Variants in DBN1 observed in about 807,000 individuals in gnomAD.
The protein encoded by DBN1 is drebrin.
A neutral mutation model predicts 83.5 loss-of-function variants in DBN1; 21 were observed. That is an observed-to-expected ratio of 0.25 (90% CI 0.18 to 0.36). DBN1 has a LOEUF of 0.36. DBN1 is among the 10% of genes least tolerant of loss of function. DBN1 has a pLI of 1.00. For synonymous variants in DBN1, 381 were observed against 384.9 expected (o/e 0.99, Z 0.12); for missense variants, 874 against 935.7 (o/e 0.93, Z 0.86).
chr5:177,467,025 T>C lies in DBN1; in HGVS notation c.593A>G (p.Lys198Arg), dbSNP rs1757493620. 6.2e-7 allele frequency: 1 copy of C among 1,613,712 alleles called. No homozygotes were observed. The highest frequency in any genetic ancestry group is 1.3e-5 in the African/African-American group (1 of 74,934). Residue 198 changes from lysine (K) to arginine (R), a missense_variant, in exon 7 of 15, where the codon AAG becomes AGG. Coordinates refer to ENST00000393565, the MANE Select transcript of DBN1 (RefSeq NM_001363541.2). This position sits in a 1 kb window ranked among gnomAD's most constrained non-coding sequence, Gnocchi z 9.1. Reference protein sequence around the residue: ...EELRKEEERKKALDERLRFEQ... With the variant: ...EELRKEEERKRALDERLRFEQ... ...GAACCTGAGCCTCTCATCCAGGGCC[T>C]TCTTCCGCTCCTCCTCCTTCCGCAG...
rs1254585134 is a variant in DBN1, at chr5:177,471,967, C to CG, written c.86+1468dup. 189 of 750,176 alleles carry CG rather than the reference C, an allele frequency of 2.5e-4. 2 individuals carry two copies. In the East Asian group the frequency reaches 5.9e-3, roughly 24 times the overall value. The allele number at this position is 750,176 out of a possible 1,614,324, so 46.5% of individuals were successfully genotyped here. On this transcript the variant is annotated intron_variant, in intron 1 of 14. Transcript: ENST00000393565. ...GGGGTGAGCTGTGCTTCTCCCCAGG[C>CG]GGGGCCTTATCCCAAAGCCAGCTCC...
chr5:177,470,943 C>G (rs1305896201), intron 1 of DBN1, among the ~76,000 whole-genome samples: 1 of 152,184 alleles, frequency 6.6e-6, no homozygotes. Flanking sequence ...AGACACTGCC[C>G]CCAGCTGTAA....
At chr5:177,459,289 G>A (rs1382765084) in intron 11 of DBN1, 21 bp from the exon 12 acceptor site, 1 of 1,599,860 alleles carries the variant, frequency 6.3e-7, no homozygotes, top group Non-Finnish European at 8.5e-7. Context: ...AACCCCAGGT[G>A]GGTCAGTGAG....
At chr5:177,469,136 G>A (rs528978860) in intron 1 of DBN1, among the ~76,000 whole-genome samples, 1 of 152,242 alleles carries the variant, frequency 6.6e-6, no homozygotes, top group South Asian at 2.1e-4. Flanking sequence ...CTGGCTGGTC[G>A]AGCTCAGTGC....
chr5:177,467,359 G>A lies in DBN1; in HGVS notation c.478-27C>T, dbSNP rs750452273. 1.2e-6 allele frequency: 2 copies of A among 1,614,002 alleles called. No homozygotes were observed. The highest frequency in any genetic ancestry group is 1.7e-6 in the Non-Finnish European group (2 of 1,179,880). On this transcript the variant is annotated intron_variant, in intron 5 of 14. Coordinates refer to ENST00000393565, the MANE Select transcript of DBN1 (RefSeq NM_001363541.2). This position sits in a 1 kb window ranked among gnomAD's most constrained non-coding sequence, Gnocchi z 9.1. ...TGCAGTGTCGAAGGACCCAGCATAA[G>A]CAGGCTGAATGCCCCAGGAACCCCC...
chr5:177,458,251 G>C lies in DBN1; in HGVS notation c.1721C>G (p.Ala574Gly), dbSNP rs1279185441. The change falls in exon 13 of 15, where the codon GCC (alanine) becomes GGC (glycine). Residue 574 changes from alanine to glycine, a missense_variant. By Grantham distance (60) the Ala-to-Gly change is moderately conservative. Coordinates refer to ENST00000393565, the MANE Select transcript of DBN1 (RefSeq NM_001363541.2). ...EPLLPAGEGC[A>G]TLLNFDELPE... ...CAGCTCATCAAAGTTGAGAAGGGTG[G>C]CACAGCCTTCGCCTGCTGGCAGCAG... is the stretch of plus-strand genomic sequence containing the variant. 6.2e-7 allele frequency: 1 copy of C among 1,613,684 alleles called. No homozygotes were observed. The highest frequency in any genetic ancestry group is 8.5e-7 in the Non-Finnish European group (1 of 1,179,966).
At chr5:177,461,771 C>T (rs1488823560) in intron 8 of DBN1, among the ~76,000 whole-genome samples, 1 of 152,184 alleles carries the variant, frequency 6.6e-6, no homozygotes, top group African/African-American at 2.4e-5. Context: ...AAGGACCTTT[C>T]CAAAATGCGG....
rs1756686334 is a variant in DBN1, at chr5:177,458,094, T to G, written c.1878A>C (p.Leu626=). The change falls in exon 13 of 15, where the codon CTA becomes CTC. Residue 626 remains leucine, a synonymous_variant. Transcript: ENST00000393565. Reference sequence around the variant, plus strand: ...CCTTCTGGGTGGTCTCGCCATTGGTTAGCAGGTGGGGCTCCGGCTCCTGCT... The same window carrying G: ...CCTTCTGGGTGGTCTCGCCATTGGTGAGCAGGTGGGGCTCCGGCTCCTGCT... ...EQEQEPEPHL[L]TNGETTQKEG... 5 of 1,613,698 alleles carry G rather than the reference T, an allele frequency of 3.1e-6. No homozygotes were observed. The highest frequency in any genetic ancestry group is 1.3e-5 in the African/African-American group (1 of 74,904).
At chr5:177,460,827 TG>T (rs1756978004) in intron 8 of DBN1, 124 bp from the exon 9 acceptor site, 4 of 924,738 alleles carry the variant, frequency 4.3e-6, no homozygotes, top group Admixed American at 4.6e-5. Flanking sequence ...CCACCCAGGC[TG>T]GGGAGCAGTG....
rs1756486295 is a variant in DBN1, at chr5:177,456,630, T to C, written c.*803A>G. The C allele has an allele frequency of 7.1e-6, 1 of 140,428 alleles. No homozygotes were observed. Among genetic ancestry groups the C allele is most frequent in the Non-Finnish European group, 1.5e-5 (1 of 67,396 alleles). 8.7% of individuals were successfully genotyped at this position (140,428 alleles called of 1,614,324 possible). A position where few individuals can be genotyped will look rare whatever the true frequency, so the allele number is the denominator to read the frequency against. On this transcript the variant is annotated 3_prime_UTR_variant, in exon 15 of 15. Coordinates refer to ENST00000393565, the MANE Select transcript of DBN1 (RefSeq NM_001363541.2). ...GCCCGAAGGGATCTGGATTTCTTTA[T>C]TAACAGACATGAGCACGACCCGTTA...
Position 177,459,207 on chromosome 5 carries a change from A to C in DBN1, c.1155T>G (p.Ser385=). 1 of 1,611,328 alleles carries C rather than the reference A, an allele frequency of 6.2e-7. No homozygotes were observed. Among genetic ancestry groups the C allele is most frequent in the South Asian group, 1.1e-5 (1 of 90,942 alleles). The stretch of plus-strand genomic sequence containing the variant: ...CAGGGGTGGAGGCGGTGCTGGAGTC[A>C]GACGGGCTCCGCGTGGGGATGGGAG... ...APTPIPTRSP[S]DSSTASTPVA... The change falls in exon 12 of 15, where the codon TCT becomes TCG. Residue 385 remains serine (S), a synonymous_variant. Transcript: ENST00000393565.
At position 177,469,582 on chromosome 5, in the gene DBN1, T is replaced by G. The variant is rs544147336; in HGVS notation, c.87-683A>C. On this transcript the variant is annotated intron_variant, in intron 1 of 14. Coordinates refer to ENST00000393565, the MANE Select transcript of DBN1 (RefSeq NM_001363541.2). Reference sequence around the variant, plus strand: ...GCTCCAGGCCTTCCAGCCCCTAGGCTGCCTCAGTCCTGGCTGAGGCTTCCT... The same window carrying G: ...GCTCCAGGCCTTCCAGCCCCTAGGCGGCCTCAGTCCTGGCTGAGGCTTCCT... Among the ~76,000 whole-genome samples the G allele has an allele frequency of 3.3e-5, 5 of 152,346 alleles. No homozygotes were observed. In the East Asian group the frequency reaches 7.7e-4, roughly 23 times the overall value.
chr5:177,459,482 G>A lies in DBN1; in HGVS notation c.1093+121C>T. 4.5e-6 allele frequency: 6 copies of A among 1,328,574 alleles called. No homozygotes were observed. In the East Asian group the frequency reaches 8.3e-5, roughly 18 times the overall value. The allele number at this position is 1,328,574 out of a possible 1,614,324, so 82.3% of individuals were successfully genotyped here. ...TAAGGCCAGGGGCAAGAGGCAGGCA[G>A]TGCCTGCCCTGGGGGCAAACACCAG... On this transcript the variant is annotated intron_variant, in intron 11 of 14. Coordinates refer to ENST00000393565, the MANE Select transcript of DBN1 (RefSeq NM_001363541.2).
intron 8 of DBN1, 149 bp from the exon 9 acceptor site, chr5:177,460,852 T>TAAATA: frequency 1.3e-6 from 1 of 759,522 alleles, no homozygotes; most frequent in South Asian, 1.8e-5. Flanking sequence ...CAATCACGGC[T>TAAATA]CACTGCAGCC....
At chr5:177,468,306 A>G (rs1214863978) in intron 2 of DBN1, 86 bp from the exon 3 acceptor site, 4 of 1,139,074 alleles carry the variant, frequency 3.5e-6, no homozygotes, top group Non-Finnish European at 5.3e-6. Context: ...AGACTCCTCC[A>G]GGCCTCCACA....
chr5:177,457,466 T>A lies in DBN1; in HGVS notation c.2055A>T (p.Pro685=), dbSNP rs1756590817. 1 of 1,614,054 alleles carries A rather than the reference T, an allele frequency of 6.2e-7. No homozygotes were observed. Among genetic ancestry groups the A allele is most frequent in the African/African-American group, 1.3e-5 (1 of 74,942 alleles). ...DITCWDADPV[P]EEEEGFEGGD is the part of the protein sequence containing the mutation. Reference sequence around the variant, plus strand: ...CACCCTCGAAGCCCTCCTCCTCTTCTGGAACTGGGTCTGCATCCCAGCATG... The same window carrying A: ...CACCCTCGAAGCCCTCCTCCTCTTCAGGAACTGGGTCTGCATCCCAGCATG... Residue 685 remains proline, a synonymous_variant, in exon 15 of 15, where the codon CCA becomes CCT. Coordinates refer to ENST00000393565, the MANE Select transcript of DBN1 (RefSeq NM_001363541.2).
At chr5:177,464,663 T>A (rs1487252012) in intron 8 of DBN1, among the ~76,000 whole-genome samples, 1 of 150,424 alleles carries the variant, frequency 6.6e-6, no homozygotes. Flanking sequence ...CTTTATCTGC[T>A]GGGTGCGGTG....
At chr5:177,465,727 C>T (rs1298246848) in intron 8 of DBN1, among the ~76,000 whole-genome samples, 6 of 151,924 alleles carry the variant, frequency 3.9e-5, no homozygotes, top group South Asian at 4.2e-4. Flanking sequence ...TGATGGTGTG[C>T]GCCTGTAATC....
chr5:177,458,536 G>A lies in DBN1; in HGVS notation c.1436C>T (p.Ala479Val), dbSNP rs565698102. Residue 479 changes from alanine to valine, a missense_variant, in exon 13 of 15, where the codon GCT (alanine) becomes GTT (valine). Ala to Val is a moderately conservative substitution (Grantham distance 64, BLOSUM62 0). Transcript: ENST00000393565. ...FMESAEQAVL[A>V]APVEPATADA... ...AGCTGTGGCAGGCTCCACGGGAGCA[G>A]CCAGGACAGCCTGCTCTGCAGACTC... The A allele has an allele frequency of 1.2e-5, 19 of 1,614,052 alleles. No homozygotes were observed. The highest frequency in any genetic ancestry group is 1.5e-5 in the Non-Finnish European group (18 of 1,180,020).
Sources: gnomAD v4.1 joint callset for allele counts (sites outside exome capture counted in the v4.1 genomes callset) on GRCh38, gnomAD v4.1.1 for gene constraint, Gnocchi (gnomAD v3.1) non-coding constraint, MANE v1.5 for transcripts, NCBI Gene and HGNC (gene_info 2026-07-23, HGNC 2026-07-21) for gene names.